GUCY2C: variants seen among roughly 807,000 people sequenced by gnomAD.
The protein encoded by GUCY2C is guanylyl cyclase C.
In GUCY2C, 118 loss-of-function variants were observed where a neutral mutation model predicts 131.1. The observed-to-expected ratio is 0.90, with a 90% CI of 0.78 to 1.05. The LOEUF (loss-of-function observed/expected upper bound fraction) is 1.05, where lower values mean the gene tolerates loss of function less well. GUCY2C is among the 50% of genes least tolerant of loss of function. The pLI, the probability that GUCY2C is intolerant of heterozygous loss-of-function variation, is 0.00. For synonymous variants in GUCY2C, 452 were observed against 457.8 expected, an observed-to-expected ratio of 0.99 and a Z score of 0.16; for missense variants, 1,161 against 1,304.4, an observed-to-expected ratio of 0.89 and a Z score of 1.69.
At chr12:14,619,443 G>A in intron 23 of GUCY2C, 134 bp from the exon 24 acceptor site, 1 of 609,916 alleles carries the variant, frequency 1.6e-6, no homozygotes. Flanking sequence ...GATGTGAAAT[G>A]TGAGCTGGGA....
intron 21 of GUCY2C, among the ~76,000 whole-genome samples, chr12:14,623,973 G>T (rs1946951471): frequency 6.6e-6 from 1 of 152,148 alleles, no homozygotes; most frequent in African/African-American, 2.4e-5. Context: ...TTATAATAGG[G>T]TGAGAATGGA....
intron 11 of GUCY2C, among the ~76,000 whole-genome samples, chr12:14,659,969 A>G (rs1947834602): frequency 6.6e-6 from 1 of 152,154 alleles, no homozygotes; most frequent in South Asian, 2.1e-4. Context: ...TTTTGGGGGA[A>G]AATTTTGGTT....
At chr12:14,634,694 C>T (rs1947224101) in intron 19 of GUCY2C, among the ~76,000 whole-genome samples, 1 of 152,040 alleles carries the variant, frequency 6.6e-6, no homozygotes, top group Non-Finnish European at 1.5e-5. Context: ...AAAAATGACC[C>T]AACTGTAGGC....
Position 14,642,358 on chromosome 12 carries a change from T to G in GUCY2C, c.1931-1139A>C, listed in dbSNP as rs145636907. 1.5e-3 allele frequency among the ~76,000 whole-genome samples: 221 copies of G among 152,336 alleles called. 1 individual carries two copies. Among genetic ancestry groups the G allele is most frequent in the African/African-American group, 5.2e-3 (217 of 41,576 alleles). The stretch of plus-strand genomic sequence containing the variant: ...TGCAATTAATTTTTCTTCAACATGC[T>G]TCGTAAGTTTTTCAGGATCACCTAG... On this transcript the variant is annotated intron_variant, in intron 17 of 26. Transcript: ENST00000261170.
intron 5 of GUCY2C, 96 bp downstream of exon 5, chr12:14,681,260 A>G: frequency 9.8e-7 from 1 of 1,023,854 alleles, no homozygotes; most frequent in Non-Finnish European, 1.5e-6. Context: ...TAAGGATGAT[A>G]GCTCTGCAGT....
At chr12:14,631,042 A>T (rs1947132003) in intron 19 of GUCY2C, among the ~76,000 whole-genome samples, 1 of 152,162 alleles carries the variant, frequency 6.6e-6, no homozygotes, top group Non-Finnish European at 1.5e-5. Flanking sequence ...GCTGTATTTC[A>T]ACATACTATT....
intron 11 of GUCY2C, among the ~76,000 whole-genome samples, chr12:14,659,188 C>T (rs555966524): frequency 2.0e-5 from 3 of 152,140 alleles, no homozygotes; most frequent in Admixed American, 6.5e-5. Flanking sequence ...GGATTACAGG[C>T]ACCTGCCACC....
At chr12:14,629,182 T>C (rs548704392) in intron 19 of GUCY2C, among the ~76,000 whole-genome samples, 3 of 152,146 alleles carry the variant, frequency 2.0e-5, no homozygotes, top group African/African-American at 7.2e-5. Context: ...TGCCTAGGCC[T>C]TTCCTGGGCC....
rs1028376943 is a variant in GUCY2C, at chr12:14,661,160, A to G, written c.1283-98T>C. ...ATGTAATTTGGGGAAGGGAAAAGAG[A>G]ACCCTTTAAAAAAATTTATTTTTTA... On this transcript the variant is annotated intron_variant, in intron 10 of 26. Coordinates refer to ENST00000261170, the MANE Select transcript of GUCY2C (RefSeq NM_004963.4). The G allele has an allele frequency of 5.8e-5, 43 of 740,166 alleles. No homozygotes were observed. In the African/African-American group the frequency reaches 7.3e-4, roughly 13 times the overall value. The allele number at this position is 740,166 out of a possible 1,614,324, so 45.8% of individuals were successfully genotyped here. A position where few individuals can be genotyped will look rare whatever the true frequency, so the allele number is the denominator to read the frequency against.
At chr12:14,651,891 G>T in intron 14 of GUCY2C, 68 bp downstream of exon 14, 1 of 837,520 alleles carries the variant, frequency 1.2e-6, no homozygotes, top group Non-Finnish European at 2.0e-6. Context: ...TACTCCACCA[G>T]CAACCTCAGT....
intron 23 of GUCY2C, among the ~76,000 whole-genome samples, chr12:14,620,443 G>C: frequency 6.6e-6 from 1 of 152,106 alleles, no homozygotes; most frequent in Non-Finnish European, 1.5e-5. Context: ...ACCTCTTCTG[G>C]TTTTAAGGGC....
intron 8 of GUCY2C, among the ~76,000 whole-genome samples, chr12:14,673,685 A>T (rs1948163782): frequency 6.6e-6 from 1 of 152,168 alleles, no homozygotes. Context: ...GGGAACAAAC[A>T]TTTGTTTGTT....
intron 24 of GUCY2C, among the ~76,000 whole-genome samples, chr12:14,617,358 G>A (rs972024642): frequency 5.3e-5 from 8 of 152,112 alleles, no homozygotes; most frequent in East Asian, 1.9e-4. Context: ...AGGGCCCTGC[G>A]TGATGTGATG....
At chr12:14,689,816 C>G (rs980346256) in intron 1 of GUCY2C, among the ~76,000 whole-genome samples, 2 of 152,164 alleles carry the variant, frequency 1.3e-5, no homozygotes, top group Non-Finnish European at 2.9e-5. Flanking sequence ...TTTTTAGACC[C>G]TGTCTCTCCT....
Position 14,612,806 on chromosome 12 carries a change from A to G in GUCY2C, c.*311T>C. The G allele has an allele frequency of 4.2e-6, 1 of 239,150 alleles. No homozygotes were observed. Among genetic ancestry groups the G allele is most frequent in the Non-Finnish European group, 8.0e-6 (1 of 125,108 alleles). 14.8% of individuals were successfully genotyped at this position (239,150 alleles called of 1,614,324 possible). A position where few individuals can be genotyped will look rare whatever the true frequency, so the allele number is the denominator to read the frequency against. On this transcript the variant is annotated 3_prime_UTR_variant, in exon 27 of 27. Coordinates refer to ENST00000261170, the MANE Select transcript of GUCY2C (RefSeq NM_004963.4). Reference sequence around the variant, plus strand: ...AAACAAAAACGATAAAAATAAACAAACAAAAAATAAATGAAATAAGAATAA... The same window carrying G: ...AAACAAAAACGATAAAAATAAACAAGCAAAAAATAAATGAAATAAGAATAA...
intron 19 of GUCY2C, among the ~76,000 whole-genome samples, chr12:14,638,256 A>G (rs1001336835): frequency 1.3e-5 from 2 of 152,242 alleles, no homozygotes; most frequent in African/African-American, 4.8e-5. Flanking sequence ...GAACCCTTAC[A>G]CACTGTTGAT....
chr12:14,688,421 C>T (rs1266762079), intron 1 of GUCY2C, among the ~76,000 whole-genome samples: 1 of 152,098 alleles, frequency 6.6e-6, no homozygotes. Context: ...GTTCACTGAC[C>T]TCTTCATCTT....
intron 19 of GUCY2C, among the ~76,000 whole-genome samples, chr12:14,632,808 A>G (rs1486824968): frequency 1.3e-5 from 2 of 151,890 alleles, no homozygotes; most frequent in African/African-American, 4.8e-5. Context: ...GGCCCTAGAG[A>G]TCTCCTAGCC....
intron 19 of GUCY2C, among the ~76,000 whole-genome samples, chr12:14,634,618 T>C (rs1397183293): frequency 6.6e-6 from 1 of 152,218 alleles, no homozygotes; most frequent in Non-Finnish European, 1.5e-5. Context: ...TACATAATAA[T>C]AACTTTGAAT....
Sources: gnomAD v4.1 joint callset for allele counts (sites outside exome capture counted in the v4.1 genomes callset) on GRCh38, gnomAD v4.1.1 for gene constraint, MANE v1.5 for transcripts, NCBI Gene and HGNC (gene_info 2026-07-23, HGNC 2026-07-21) for gene names.